Variants in SLC24A3 observed in about 807,000 individuals in gnomAD.
The protein encoded by SLC24A3 is sodium/potassium/calcium exchanger 3.
Under a neutral mutation model 75.8 loss-of-function variants are expected in SLC24A3, and 28 were observed. The observed-to-expected ratio is 0.37, with a 90% CI of 0.27 to 0.51. The LOEUF (loss-of-function observed/expected upper bound fraction) is 0.51, where lower values mean the gene tolerates loss of function less well. SLC24A3 is among the 20% of genes least tolerant of loss of function. The pLI, the probability that SLC24A3 is intolerant of heterozygous loss-of-function variation, is 0.94. For synonymous variants in SLC24A3, 372 were observed against 334.1 expected, an observed-to-expected ratio of 1.11 and a Z score of -1.24; for missense variants, 663 against 847.8, an observed-to-expected ratio of 0.78 and a Z score of 2.71.
chr20:19,523,653 C>A (rs534044708), intron 3 of SLC24A3, among the ~76,000 whole-genome samples: 1 of 152,304 alleles, frequency 6.6e-6, no homozygotes, highest in Non-Finnish European at 1.5e-5. Flanking sequence ...TGAAACCCAT[C>A]TGAGTCGTAG....
chr20:19,220,515 C>T (rs1237176529), intron 1 of SLC24A3, among the ~76,000 whole-genome samples: 3 of 152,134 alleles, frequency 2.0e-5, no homozygotes, highest in Admixed American at 6.5e-5. Context: ...TTGGTGACCT[C>T]AGGAAGTCGA....
In SLC24A3 at chr20:19,212,938, G is replaced by A. The variant is rs986618014; in HGVS notation, c.96G>A (p.Ser32=). ...TGAGCCAGCTCTGCTTCCTGGCCTCGGTGGCGCTGCTGCTCTGGTCGCTGT... is the reference window on the plus strand; with the variant it reads ...TGAGCCAGCTCTGCTTCCTGGCCTCAGTGGCGCTGCTGCTCTGGTCGCTGT... ...LLLSQLCFLA[S]VALLLWSLSS... is the part of the protein sequence containing the mutation. Residue 32 remains serine, a synonymous_variant, in exon 1 of 17, where the codon TCG becomes TCA. Coordinates refer to ENST00000328041, the MANE Select transcript of SLC24A3 (RefSeq NM_020689.4). 5 of 1,349,236 alleles carry A rather than the reference G, an allele frequency of 3.7e-6. No individual in the cohort carries two copies. The highest frequency in any genetic ancestry group is 5.5e-5 in the Admixed American group (2 of 36,650). 83.6% of individuals were successfully genotyped at this position (1,349,236 alleles called of 1,614,324 possible). A position where few individuals can be genotyped will look rare whatever the true frequency, so the allele number is the denominator to read the frequency against.
chr20:19,322,350 T>C (rs913509295), intron 2 of SLC24A3, among the ~76,000 whole-genome samples: 5 of 114,124 alleles, frequency 4.4e-5, no homozygotes, highest in African/African-American at 2.0e-4. Flanking sequence ...TTGAGCCTTC[T>C]TTCCTTCCTT....
At chr20:19,604,788 T>C (rs1042482865) in intron 6 of SLC24A3, among the ~76,000 whole-genome samples, 4 of 152,176 alleles carry the variant, frequency 2.6e-5, no homozygotes, top group African/African-American at 9.7e-5. Context: ...ACCCTCTGCC[T>C]ACCCTCCTCT....
chr20:19,384,536 C>A (rs1184664145), intron 2 of SLC24A3, among the ~76,000 whole-genome samples: 1 of 152,178 alleles, frequency 6.6e-6, no homozygotes, highest in African/African-American at 2.4e-5. Context: ...AATAGTATTC[C>A]ATTGTGTATA....
intron 3 of SLC24A3, among the ~76,000 whole-genome samples, chr20:19,520,837 C>T (rs1430785783): frequency 6.6e-6 from 1 of 152,212 alleles, no homozygotes; most frequent in Non-Finnish European, 1.5e-5. Context: ...TCCAAATTCT[C>T]TCTTATTCCT....
intron 15 of SLC24A3, among the ~76,000 whole-genome samples, chr20:19,705,987 G>T (rs1455864267): frequency 6.6e-6 from 1 of 152,180 alleles, no homozygotes; most frequent in East Asian, 1.9e-4. Flanking sequence ...CTTTAAGAGA[G>T]CTGAGAAAGT....
At chr20:19,625,224 A>T (rs2031853179) in intron 6 of SLC24A3, among the ~76,000 whole-genome samples, 1 of 152,218 alleles carries the variant, frequency 6.6e-6, no homozygotes, top group African/African-American at 2.4e-5. Flanking sequence ...TCTTGATGGA[A>T]TGATGATCAA....
intron 2 of SLC24A3, among the ~76,000 whole-genome samples, chr20:19,345,015 A>G (rs1273480002): frequency 1.3e-5 from 2 of 152,208 alleles, no homozygotes; most frequent in African/African-American, 4.8e-5. Context: ...AAGAAAAGAC[A>G]CACTGATTTG....
chr20:19,645,916 G>A (rs1383837912), intron 6 of SLC24A3, among the ~76,000 whole-genome samples: 4 of 152,038 alleles, frequency 2.6e-5, no homozygotes, highest in East Asian at 1.9e-4. Flanking sequence ...TCAGCCCAGC[G>A]TGGTGGCATG....
At chr20:19,565,673 A>G (rs1212574074) in intron 3 of SLC24A3, among the ~76,000 whole-genome samples, 2 of 152,040 alleles carry the variant, frequency 1.3e-5, no homozygotes, top group African/African-American at 4.8e-5. Context: ...TTTTCCTTGT[A>G]TTGATTCCTA....
At chr20:19,509,815 C>T (rs981193722) in intron 2 of SLC24A3, among the ~76,000 whole-genome samples, 8 of 152,222 alleles carry the variant, frequency 5.3e-5, no homozygotes, top group African/African-American at 1.9e-4. Context: ...TCAGAGGCCA[C>T]TTTTCAAATG....
At chr20:19,495,185 A>T (rs1190414289) in intron 2 of SLC24A3, among the ~76,000 whole-genome samples, 1 of 152,124 alleles carries the variant, frequency 6.6e-6, no homozygotes, top group East Asian at 1.9e-4. Flanking sequence ...AACTCTGGAG[A>T]ACTTACTCTT....
At chr20:19,370,113 T>A (rs1415041216) in intron 2 of SLC24A3, among the ~76,000 whole-genome samples, 1 of 151,562 alleles carries the variant, frequency 6.6e-6, no homozygotes, top group Non-Finnish European at 1.5e-5. Context: ...ATTAAATTCT[T>A]AAAAAAAAAG....
chr20:19,292,505 C>T (rs188551471), intron 2 of SLC24A3, among the ~76,000 whole-genome samples: 6 of 152,202 alleles, frequency 3.9e-5, no homozygotes, highest in Non-Finnish European at 7.3e-5. Flanking sequence ...TAAGCCTCCC[C>T]GTGGAGCTTT....
chr20:19,447,139 T>C (rs1320510634), intron 2 of SLC24A3, among the ~76,000 whole-genome samples: 4 of 152,202 alleles, frequency 2.6e-5, no homozygotes, highest in Non-Finnish European at 4.4e-5. Flanking sequence ...ACCAAATTCA[T>C]TTGATCTCCT....
chr20:19,290,519 G>C (rs528890164), intron 2 of SLC24A3, among the ~76,000 whole-genome samples: 36 of 152,194 alleles, frequency 2.4e-4, no homozygotes, highest in Non-Finnish European at 4.7e-4. Context: ...TGTGAGGCTA[G>C]AGTGAGAAAA....
chr20:19,277,964 T>A (rs1038475615), intron 1 of SLC24A3, among the ~76,000 whole-genome samples: 1 of 152,206 alleles, frequency 6.6e-6, no homozygotes, highest in African/African-American at 2.4e-5. Flanking sequence ...ATGGCCACGC[T>A]GCTGGCCACA....
At chr20:19,582,162 C>G (rs1312848489) in intron 4 of SLC24A3, among the ~76,000 whole-genome samples, 1 of 152,236 alleles carries the variant, frequency 6.6e-6, no homozygotes, top group Non-Finnish European at 1.5e-5. Context: ...TCAGTTCTCC[C>G]TGGAGTTACA....
Sources: allele counts gnomAD v4.1 joint callset (sites outside exome capture counted in the v4.1 genomes callset), GRCh38; gene constraint gnomAD v4.1.1; transcripts MANE v1.5; gene names NCBI Gene and HGNC (gene_info 2026-07-23, HGNC 2026-07-21).